The following THSD7B variants were observed in gnomAD, a reference collection of about 807,000 sequenced individuals.
The protein encoded by THSD7B is thrombospondin type 1 domain containing 7B.
Under a neutral mutation model 213.6 loss-of-function variants are expected in THSD7B, and 138 were observed. The ratio of observed to expected loss-of-function variants is 0.65; its 90% CI spans 0.56 to 0.74. The LOEUF (loss-of-function observed/expected upper bound fraction) is 0.74, where lower values mean the gene tolerates loss of function less well. Among genes scored for constraint, THSD7B ranks in the 30% least tolerant of loss-of-function variants. The pLI is 0.00. For synonymous variants in THSD7B, 742 were observed against 687.0 expected (o/e 1.08, Z -1.25); for missense variants, 1,931 against 1,991.5 (o/e 0.97, Z 0.58).
intron 5 of THSD7B, among the ~76,000 whole-genome samples, chr2:137,145,560 G>C (rs1356311789): frequency 1.3e-5 from 2 of 151,948 alleles, no homozygotes; most frequent in Non-Finnish European, 2.9e-5. Flanking sequence ...CCAGAGGTAG[G>C]AATATTATCT....
chr2:137,094,245 A>G lies in THSD7B; in HGVS notation c.951-628A>G, dbSNP rs75300004. On this transcript the variant is annotated intron_variant, in intron 3 of 27. Transcript: ENST00000409968. ...GTGACACCTGAAAACCAGTCAATCCATGGTAATAGTAGGCTAACACCATGG... is the reference window on the plus strand; with the variant it reads ...GTGACACCTGAAAACCAGTCAATCCGTGGTAATAGTAGGCTAACACCATGG... Among the ~76,000 whole-genome samples the G allele has an allele frequency of 3.7e-3, 559 of 152,282 alleles. 8 individuals carry two copies. In the East Asian group the frequency reaches 0.049, roughly 13 times the overall value.
At chr2:137,346,490 C>T (rs1684879262) in intron 12 of THSD7B, among the ~76,000 whole-genome samples, 1 of 151,392 alleles carries the variant, frequency 6.6e-6, no homozygotes, top group Non-Finnish European at 1.5e-5. Context: ...CTCTCTCTCT[C>T]TCTCTCTCCC....
chr2:137,141,913 T>C (rs1679594652), intron 5 of THSD7B, among the ~76,000 whole-genome samples: 1 of 152,116 alleles, frequency 6.6e-6, no homozygotes, highest in Non-Finnish European at 1.5e-5. Context: ...GTAGATACAA[T>C]GAATTCAAGT....
chr2:137,439,367 T>C (rs1687353874), intron 14 of THSD7B, among the ~76,000 whole-genome samples: 1 of 152,074 alleles, frequency 6.6e-6, no homozygotes, highest in Non-Finnish European at 1.5e-5. Flanking sequence ...CTTCTATTAG[T>C]ATAATTAGAA....
At chr2:136,991,044 T>G (rs1157183844) in intron 2 of THSD7B, 10 of 939,384 alleles carry the variant, frequency 1.1e-5, no homozygotes, top group Admixed American at 2.7e-5. Context: ...GAAAGATGGT[T>G]ATGTGTTAAA....
intron 8 of THSD7B, among the ~76,000 whole-genome samples, chr2:137,232,179 T>C (rs1257150756): frequency 6.6e-6 from 1 of 152,116 alleles, no homozygotes; most frequent in Non-Finnish European, 1.5e-5. Context: ...GATCGATGCT[T>C]TAGATAAATA....
At chr2:137,598,778 A>G (rs1277409260) in intron 17 of THSD7B, among the ~76,000 whole-genome samples, 1 of 152,168 alleles carries the variant, frequency 6.6e-6, no homozygotes, top group Non-Finnish European at 1.5e-5. Context: ...TGTGTAACTC[A>G]TAATTCAATG....
chr2:137,483,963 G>A (rs1464899503), intron 15 of THSD7B, among the ~76,000 whole-genome samples: 2 of 152,112 alleles, frequency 1.3e-5, no homozygotes, highest in Non-Finnish European at 2.9e-5. Flanking sequence ...AACACCTTGA[G>A]GGCTGGACAT....
chr2:137,166,557 C>T (rs1256416138), intron 6 of THSD7B, among the ~76,000 whole-genome samples: 2 of 152,084 alleles, frequency 1.3e-5, no homozygotes, highest in South Asian at 2.1e-4. Context: ...GGATTCCTTC[C>T]CTCAGTGAGA....
intron 12 of THSD7B, among the ~76,000 whole-genome samples, chr2:137,334,030 A>G (rs369492411): frequency 3.6e-4 from 55 of 152,308 alleles, no homozygotes; most frequent in African/African-American, 1.2e-3. Flanking sequence ...CAATTTTGCT[A>G]TTTAGCATGA....
In THSD7B at chr2:137,111,416, T is replaced by C. The variant is rs16838086; in HGVS notation, c.1200-3708T>C. Among the ~76,000 whole-genome samples, 514 of 152,348 alleles carry C rather than the reference T, an allele frequency of 3.4e-3. 22 individuals carry two copies. The East Asian group carries it at 0.083, about 25-fold the overall frequency. On this transcript the variant is annotated intron_variant, in intron 4 of 27. Transcript: ENST00000409968. ...ATGGGTTTGCCATTTACCGTTTTAA[T>C]CTGCCATAGTGTCATTTTATTATGA...
At chr2:137,329,896 A>T (rs536168235) in intron 12 of THSD7B, among the ~76,000 whole-genome samples, 2 of 152,154 alleles carry the variant, frequency 1.3e-5, no homozygotes, top group Non-Finnish European at 2.9e-5. Context: ...CTGTCATCAC[A>T]GGCCTGAAGG....
At chr2:136,787,173 G>A (rs1385080184) in intron 1 of THSD7B, among the ~76,000 whole-genome samples, 1 of 152,034 alleles carries the variant, frequency 6.6e-6, no homozygotes, top group African/African-American at 2.4e-5. Context: ...ATATTATTCA[G>A]AAAATGCAGA....
chr2:137,006,003 G>A (rs1240264425), intron 2 of THSD7B, among the ~76,000 whole-genome samples: 3 of 152,060 alleles, frequency 2.0e-5, no homozygotes, highest in Admixed American at 6.6e-5. Context: ...TAATGACAAG[G>A]CTGAATGGAA....
intron 2 of THSD7B, among the ~76,000 whole-genome samples, chr2:137,053,282 T>G (rs1687100450): frequency 6.6e-6 from 1 of 152,158 alleles, no homozygotes; most frequent in African/African-American, 2.4e-5. Flanking sequence ...AATTTTGGAT[T>G]AACTCATATC....
intron 15 of THSD7B, among the ~76,000 whole-genome samples, chr2:137,524,382 G>A (rs1043925116): frequency 6.6e-6 from 1 of 152,088 alleles, no homozygotes; most frequent in Non-Finnish European, 1.5e-5. Flanking sequence ...CCCTCTGCAG[G>A]TTAGAGCTTA....
chr2:137,620,508 G>A, intron 19 of THSD7B, 101 bp from the exon 20 acceptor site: 2 of 826,346 alleles, frequency 2.4e-6, no homozygotes, highest in Non-Finnish European at 4.0e-6. Flanking sequence ...ATATGGAAAG[G>A]TTATTATCAC....
intron 3 of THSD7B, among the ~76,000 whole-genome samples, chr2:137,089,245 GGTGTGTGTGTGT>G (rs70975799): frequency 1.6e-5 from 2 of 126,720 alleles, no homozygotes; most frequent in Non-Finnish European, 3.3e-5. Context: ...TAAAGAAAGT[GGTGTGTGTGTGT>G]GTGTGTGTGT....
At chr2:136,813,586 G>A (rs1682421046) in intron 1 of THSD7B, among the ~76,000 whole-genome samples, 1 of 152,062 alleles carries the variant, frequency 6.6e-6, no homozygotes, top group Admixed American at 6.6e-5. Flanking sequence ...TTCAACTACA[G>A]AATTACAAAT....
Sources: allele counts gnomAD v4.1 joint callset (sites outside exome capture counted in the v4.1 genomes callset), GRCh38; gene constraint gnomAD v4.1.1; transcripts MANE v1.5; gene names NCBI Gene and HGNC (gene_info 2026-07-23, HGNC 2026-07-21).